Variants in BTAF1 observed in about 807,000 individuals in gnomAD.
BTAF1 encodes B-TFIID TATA-box binding protein associated factor 1, also known as TATA-binding protein-associated factor 172.
A neutral mutation model predicts 227.1 loss-of-function variants in BTAF1; 38 were observed. That is an observed-to-expected ratio of 0.17 (90% CI 0.13 to 0.22). BTAF1 has a LOEUF of 0.22. Ranked by LOEUF, BTAF1 falls within the 10% of genes least tolerant of loss-of-function variation. BTAF1 has a pLI of 1.00. For synonymous variants in BTAF1, 742 were observed against 751.9 expected, an observed-to-expected ratio of 0.99 and a Z score of 0.21; for missense variants, 1,598 against 2,204.0, an observed-to-expected ratio of 0.73 and a Z score of 5.51.
intron 11 of BTAF1, among the ~76,000 whole-genome samples, chr10:91,961,198 A>G (rs1846485355): frequency 6.6e-6 from 1 of 152,204 alleles, no homozygotes; most frequent in African/African-American, 2.4e-5. Flanking sequence ...AGGAGAGATT[A>G]TGAATGAGGA....
intron 9 of BTAF1, 53 bp from the exon 10 acceptor site, chr10:91,959,732 G>C (rs1846358619): frequency 2.4e-6 from 1 of 419,232 alleles, no homozygotes; most frequent in Admixed American, 8.1e-5. Flanking sequence ...GTGTGTGTGT[G>C]TGTGTGTGTA....
At chr10:92,009,360 T>A in intron 28 of BTAF1, 152 bp downstream of exon 28, 1 of 838,612 alleles carries the variant, frequency 1.2e-6, no homozygotes, top group Middle Eastern at 3.6e-4. Flanking sequence ...TTTGGGAAGA[T>A]ATAATCAGTG....
intron 20 of BTAF1, among the ~76,000 whole-genome samples, chr10:91,991,793 GTGTGTATA>G (rs1311714263): frequency 4.8e-5 from 4 of 83,468 alleles, no homozygotes; most frequent in African/African-American, 1.2e-4. Context: ...GTGTGTGTGT[GTGTGTATA>G]TATATATATA....
Position 91,952,160 on chromosome 10 carries a change from T to TTG in BTAF1, c.564+614_564+615dup, listed in dbSNP as rs143124844. Among the ~76,000 whole-genome samples the TTG allele has an allele frequency of 7.5e-3, 1,116 of 148,592 alleles. 8 individuals carry two copies. The highest frequency in any genetic ancestry group is 0.015 in the African/African-American group (605 of 40,734). On this transcript the variant is annotated intron_variant, in intron 5 of 37. Transcript: ENST00000265990. ...TATATGTATATGTGTGTGTGTGTGTTTGTGTGTGTGTGTGTGTGTGTATAT... is the reference window on the plus strand; with the variant it reads ...TATATGTATATGTGTGTGTGTGTGTTTGTGTGTGTGTGTGTGTGTGTGTATAT...
At chr10:91,996,293 G>C in intron 23 of BTAF1, 76 bp from the exon 24 acceptor site, 1 of 1,313,038 alleles carries the variant, frequency 7.6e-7, no homozygotes, top group Non-Finnish European at 1.1e-6. Flanking sequence ...AAACTTTCCT[G>C]AGTATGGGCT....
intron 18 of BTAF1, among the ~76,000 whole-genome samples, chr10:91,983,525 G>T (rs1351919302): frequency 6.6e-6 from 1 of 152,202 alleles, no homozygotes; most frequent in Admixed American, 6.5e-5. Context: ...TTTTAGGCAG[G>T]AGTTGGTGTG....
chr10:91,964,000 C>A, intron 12 of BTAF1, 77 bp from the exon 13 acceptor site: 1 of 1,517,904 alleles, frequency 6.6e-7, no homozygotes, highest in Non-Finnish European at 9.0e-7. Flanking sequence ...CAGTAGTGAC[C>A]CCTGGGATAC....
At chr10:91,977,818 G>A (rs997092585) in intron 14 of BTAF1, among the ~76,000 whole-genome samples, 1 of 152,120 alleles carries the variant, frequency 6.6e-6, no homozygotes, top group Admixed American at 6.5e-5. Flanking sequence ...GGCAACATAC[G>A]ATGTGGGCCA....
intron 1 of BTAF1, among the ~76,000 whole-genome samples, chr10:91,930,147 A>C (rs1331164641): frequency 6.6e-6 from 1 of 152,160 alleles, no homozygotes; most frequent in African/African-American, 2.4e-5. Context: ...TGAATTTTAC[A>C]TATTAATACA....
chr10:92,011,038 C>T, intron 28 of BTAF1, 35 bp from the exon 29 acceptor site: 1 of 1,498,010 alleles, frequency 6.7e-7, no homozygotes, highest in Non-Finnish European at 9.2e-7. Context: ...TTTTCAGGGT[C>T]TCTGTTTTCT....
At position 92,018,742 on chromosome 10, in the gene BTAF1, T is replaced by C. The variant is rs758117475; in HGVS notation, c.4711-41T>C. On this transcript the variant is annotated intron_variant, in intron 33 of 37. Coordinates refer to ENST00000265990, the MANE Select transcript of BTAF1 (RefSeq NM_003972.3). ...TACAGAGATAAAAATATTTGTGATA[T>C]GCGAAATTGACTCATATATACTTTT... 2.2e-6 allele frequency: 3 copies of C among 1,380,636 alleles called. No individual in the cohort carries two copies. In the African/African-American group the frequency reaches 4.4e-5, roughly 20 times the overall value. The allele number at this position is 1,380,636 out of a possible 1,614,324, so 85.5% of individuals were successfully genotyped here. A position where few individuals can be genotyped will look rare whatever the true frequency, so the allele number is the denominator to read the frequency against.
chr10:91,982,686 C>G lies in BTAF1; in HGVS notation c.2148C>G (p.Phe716Leu). ...AATCCCTGGGCCAGTTACTACTCTTCCATTTGAACTCCAAGTCTGCTTTAC... is the reference window on the plus strand; with the variant it reads ...AATCCCTGGGCCAGTTACTACTCTTGCATTTGAACTCCAAGTCTGCTTTAC... ...PAESLGQLLL[F>L]HLNSKSALQR... is the part of the protein sequence containing the mutation. The change falls in exon 18 of 38, where the codon TTC (phenylalanine) becomes TTG (leucine). Residue 716 changes from phenylalanine (F) to leucine (L), a missense_variant. Coordinates refer to ENST00000265990, the MANE Select transcript of BTAF1 (RefSeq NM_003972.3). 6.2e-7 allele frequency: 1 copy of G among 1,613,904 alleles called. No homozygotes were observed. The highest frequency in any genetic ancestry group is 8.5e-7 in the Non-Finnish European group (1 of 1,179,908).
intron 4 of BTAF1, among the ~76,000 whole-genome samples, chr10:91,950,431 G>A (rs1589787828): frequency 6.6e-6 from 1 of 151,466 alleles, no homozygotes; most frequent in Middle Eastern, 3.4e-3. Context: ...AGTCCAATAG[G>A]AACTAACTCA....
At chr10:91,963,774 T>C (rs1389689380) in intron 12 of BTAF1, among the ~76,000 whole-genome samples, 1 of 152,246 alleles carries the variant, frequency 6.6e-6, no homozygotes, top group Non-Finnish European at 1.5e-5. Flanking sequence ...CTCTGTTGTT[T>C]TCACTGTTAA....
chr10:92,026,625 A>C lies in BTAF1; in HGVS notation c.5109A>C (p.Leu1703Phe). 6.2e-7 allele frequency: 1 copy of C among 1,613,832 alleles called. No individual in the cohort carries two copies. Among genetic ancestry groups the C allele is most frequent in the Non-Finnish European group, 8.5e-7 (1 of 1,179,818 alleles). Reference sequence around the variant, plus strand: ...ATGATCCATCTATAGACGTTCTGTTACTTACCACTCACGTTGGTGGCCTGG... The same window carrying C: ...ATGATCCATCTATAGACGTTCTGTTCCTTACCACTCACGTTGGTGGCCTGG... Reference protein sequence around the residue: ...FNNDPSIDVLLLTTHVGGLGL... With the variant: ...FNNDPSIDVLFLTTHVGGLGL... The change falls in exon 36 of 38, where the codon TTA (leucine) becomes TTC (phenylalanine). Residue 1703 changes from leucine (L) to phenylalanine (F), a missense_variant. Physicochemically the swap from Leu to Phe is conservative, Grantham distance 22. Transcript: ENST00000265990.
intron 14 of BTAF1, among the ~76,000 whole-genome samples, chr10:91,968,088 G>GTACATTTTGTACATATTGTACATT (rs1847048502): frequency 6.6e-6 from 1 of 152,032 alleles, no homozygotes; most frequent in African/African-American, 2.4e-5. Context: ...TCACTCTTCT[G>GTACATTTTGTACATATTGTACATT]TACATTTTGT....
intron 8 of BTAF1, among the ~76,000 whole-genome samples, chr10:91,957,854 G>T (rs1258665870): frequency 1.3e-5 from 2 of 152,154 alleles, no homozygotes; most frequent in Non-Finnish European, 2.9e-5. Flanking sequence ...AACTCATGGG[G>T]TGTTAAGAAG....
chr10:91,960,246 T>C, intron 11 of BTAF1, 92 bp downstream of exon 11: 1 of 1,354,758 alleles, frequency 7.4e-7, no homozygotes, highest in South Asian at 1.5e-5. Flanking sequence ...CGTAGATTCT[T>C]ACTGTTACAG....
chr10:92,023,945 G>T (rs1424029927), intron 34 of BTAF1, among the ~76,000 whole-genome samples: 1 of 152,172 alleles, frequency 6.6e-6, no homozygotes, highest in African/African-American at 2.4e-5. Flanking sequence ...CCAGCTCTTA[G>T]ATTTTGAACA....
Sources: allele counts gnomAD v4.1 joint callset (sites outside exome capture counted in the v4.1 genomes callset), GRCh38; gene constraint gnomAD v4.1.1; transcripts MANE v1.5; gene names NCBI Gene and HGNC (gene_info 2026-07-23, HGNC 2026-07-21).